Variants in NRDC observed in about 807,000 individuals in gnomAD.
NRDC encodes nardilysin convertase.
Under a neutral mutation model 147.1 loss-of-function variants are expected in NRDC, and 54 were observed. That is an observed-to-expected ratio of 0.37 (90% CI 0.29 to 0.46). NRDC has a LOEUF of 0.46. Among genes scored for constraint, NRDC ranks in the 20% least tolerant of loss-of-function variants. NRDC has a pLI of 1.00. For synonymous variants in NRDC, 440 were observed against 482.1 expected, an observed-to-expected ratio of 0.91 and a Z score of 1.14; for missense variants, 1,082 against 1,370.6, an observed-to-expected ratio of 0.79 and a Z score of 3.33.
rs1464587976 is a variant in NRDC, at chr1:51,791,590, G to A, written c.2948C>T (p.Ala983Val). ...LGFSVTVGTQ[A>V]TKYNSEVVDK... ...CTCACTCACTCACTTGTATTTGGTT[G>A]CCTGAGTCCCCACAGTGACAGAAAA... The change falls in exon 27 of 31, where the codon GCA becomes GTA. Residue 983 changes from alanine (A) to valine (V), a missense_variant. Physicochemically the swap from Ala to Val is moderately conservative, Grantham distance 64. Coordinates refer to ENST00000352171, the MANE Select transcript of NRDC (RefSeq NM_001101662.2). 6.2e-7 allele frequency: 1 copy of A among 1,612,552 alleles called. No individual in the cohort carries two copies.
intron 5 of NRDC, 132 bp downstream of exon 5, chr1:51,827,664 A>G: frequency 6.1e-6 from 4 of 660,606 alleles, no homozygotes; most frequent in Non-Finnish European, 1.1e-5. Flanking sequence ...AGGAACAAAC[A>G]TAACACATAT....
chr1:51,818,627 A>G (rs1283883697), intron 9 of NRDC, among the ~76,000 whole-genome samples: 1 of 152,254 alleles, frequency 6.6e-6, no homozygotes, highest in African/African-American at 2.4e-5. Context: ...AGAATACAAT[A>G]AAAAGTAAGT....
At chr1:51,877,007 T>C (rs1398108920) in intron 1 of NRDC, among the ~76,000 whole-genome samples, 1 of 151,904 alleles carries the variant, frequency 6.6e-6, no homozygotes, top group Non-Finnish European at 1.5e-5. Flanking sequence ...GCCAATATGG[T>C]GAAACCCCGT....
intron 7 of NRDC, among the ~76,000 whole-genome samples, chr1:51,823,418 ATATCT>A (rs1223824723): frequency 2.0e-5 from 3 of 152,202 alleles, no homozygotes; most frequent in Admixed American, 1.3e-4. Flanking sequence ...ACCAGCCTAC[ATATCT>A]TATCTTACAG....
chr1:51,855,925 A>T (rs1682218219), intron 1 of NRDC, among the ~76,000 whole-genome samples: 1 of 152,110 alleles, frequency 6.6e-6, no homozygotes, highest in South Asian at 2.1e-4. Flanking sequence ...TTACAAGAAC[A>T]CAAGATGTCA....
intron 1 of NRDC, among the ~76,000 whole-genome samples, chr1:51,856,868 C>CG (rs1375802032): frequency 6.6e-6 from 1 of 152,052 alleles, no homozygotes; most frequent in Non-Finnish European, 1.5e-5. Context: ...TGAGGCCTGC[C>CG]CATGAGACCT....
chr1:51,794,326 G>T, intron 24 of NRDC, 146 bp downstream of exon 24: 1 of 747,996 alleles, frequency 1.3e-6, no homozygotes, highest in Non-Finnish European at 2.2e-6. Context: ...ACCAACAGGA[G>T]CAATTTTTAA....
chr1:51,878,537 G>A lies in NRDC; in HGVS notation c.79C>T (p.Leu27Phe), dbSNP rs765339407. 2 of 1,613,734 alleles carry A rather than the reference G, an allele frequency of 1.2e-6. No homozygotes were observed. Among genetic ancestry groups the A allele is most frequent in the South Asian group, 1.1e-5 (1 of 91,032 alleles). ...LCEAGRELAA[L>F]WGIETRGRCE... Reference sequence around the variant, plus strand: ...CGACCCCGCGTTTCGATTCCCCAGAGCGCCGCGAGCTCCCGCCCGGCCTCA... The same window carrying A: ...CGACCCCGCGTTTCGATTCCCCAGAACGCCGCGAGCTCCCGCCCGGCCTCA... The change falls in exon 1 of 31, where the codon CTC becomes TTC. Residue 27 changes from leucine (L) to phenylalanine (F), a missense_variant. Leu to Phe is a conservative substitution (Grantham distance 22, BLOSUM62 0). Around this residue, in one of 3 missense-constraint regions of NRDC, gnomAD observed 260 missense variants for 253.2 expected, o/e 1.03. Coordinates refer to ENST00000352171, the MANE Select transcript of NRDC (RefSeq NM_001101662.2).
chr1:51,846,475 G>A (rs1304589617), intron 1 of NRDC, among the ~76,000 whole-genome samples: 1 of 152,196 alleles, frequency 6.6e-6, no homozygotes, highest in Non-Finnish European at 1.5e-5. Context: ...TGGGTTCTTG[G>A]TCTCACTGAC....
chr1:51,789,519 T>G (rs760664376), intron 30 of NRDC, 49 bp downstream of exon 30: 2 of 1,589,120 alleles, frequency 1.3e-6, no homozygotes, highest in Non-Finnish European at 1.7e-6. Context: ...CCAAACTCAC[T>G]CAGTAAATGA....
chr1:51,805,227 T>C (rs953271552), intron 19 of NRDC, among the ~76,000 whole-genome samples: 1 of 152,216 alleles, frequency 6.6e-6, no homozygotes, highest in African/African-American at 2.4e-5. Flanking sequence ...TCACCCAAAC[T>C]GATCTTTAAG....
intron 29 of NRDC, among the ~76,000 whole-genome samples, chr1:51,790,046 C>A (rs1243885807): frequency 6.6e-6 from 1 of 152,158 alleles, no homozygotes; most frequent in African/African-American, 2.4e-5. Flanking sequence ...ACTAAATAAC[C>A]TCTTTACATC....
chr1:51,790,993 GAAACAAAACATCTTCAATCAGAACTA>G lies in NRDC; in HGVS notation c.2961-29_2961-4del, dbSNP rs559394291. The G allele has an allele frequency of 4.2e-5, 67 of 1,597,338 alleles. No individual in the cohort carries two copies. Among genetic ancestry groups the G allele is most frequent in the Admixed American group, 1.5e-4 (9 of 59,422 alleles). Reference sequence around the variant, plus strand: ...TCTTCTTATCAACAACTTCAGAACTGAAACAAAACATCTTCAATCAGAACTAAAACAAAACATCTTCAATTAAGTCA... The same window carrying G: ...TCTTCTTATCAACAACTTCAGAACTGAAACAAAACATCTTCAATTAAGTCA... On this transcript the variant is annotated splice_polypyrimidine_tract_variant and splice_region_variant and intron_variant, in intron 27 of 30. Transcript: ENST00000352171.
At chr1:51,837,888 A>G (rs1162524209) in intron 2 of NRDC, among the ~76,000 whole-genome samples, 2 of 152,022 alleles carry the variant, frequency 1.3e-5, no homozygotes, top group Non-Finnish European at 2.9e-5. Context: ...ACGATCAAAT[A>G]TCTTTCTTCT....
intron 1 of NRDC, among the ~76,000 whole-genome samples, chr1:51,863,249 A>G (rs1211168218): frequency 6.6e-6 from 1 of 151,898 alleles, no homozygotes; most frequent in Non-Finnish European, 1.5e-5. Context: ...TAAAAATACA[A>G]AAATTAGCTG....
At position 51,850,009 on chromosome 1, in the gene NRDC, C is replaced by T. The variant is rs1681865442; in HGVS notation, c.342-9495G>A. Among the ~76,000 whole-genome samples, 3 of 151,896 alleles carry T rather than the reference C, an allele frequency of 2.0e-5. No individual in the cohort carries two copies. In the South Asian group the frequency reaches 6.2e-4, roughly 32 times the overall value. On this transcript the variant is annotated intron_variant, in intron 1 of 30. Transcript: ENST00000352171. ...GCCTGCCCAACATGGCGAAACCCTTCGCTACTAAAAATACAAAAATTAGCC... is the reference window on the plus strand; with the variant it reads ...GCCTGCCCAACATGGCGAAACCCTTTGCTACTAAAAATACAAAAATTAGCC...
chr1:51,865,922 G>A (rs1414011109), intron 1 of NRDC, among the ~76,000 whole-genome samples: 3 of 151,916 alleles, frequency 2.0e-5, no homozygotes, highest in Non-Finnish European at 4.4e-5. Context: ...AGCTGGGCAT[G>A]GTGGCAGGCA....
intron 5 of NRDC, among the ~76,000 whole-genome samples, chr1:51,826,671 TGGGA>T: frequency 6.6e-6 from 1 of 152,316 alleles, no homozygotes; most frequent in Middle Eastern, 3.4e-3. Flanking sequence ...CCCAGCACTC[TGGGA>T]GGCCGAAGCA....
intron 1 of NRDC, among the ~76,000 whole-genome samples, chr1:51,853,374 C>T (rs933339197): frequency 1.3e-5 from 2 of 152,116 alleles, no homozygotes; most frequent in African/African-American, 2.4e-5. Flanking sequence ...AAGAGCCCTG[C>T]TCCCTCCTTA....
Sources: allele counts gnomAD v4.1 joint callset (sites outside exome capture counted in the v4.1 genomes callset), GRCh38; gene constraint gnomAD v4.1.1; regional missense constraint gnomAD v4.1.1; transcripts MANE v1.5; gene names NCBI Gene and HGNC (gene_info 2026-07-23, HGNC 2026-07-21).